IKBKB: variants seen among roughly 807,000 people sequenced by gnomAD.
The protein encoded by IKBKB is inhibitor of nuclear factor kappa-B kinase subunit beta.
IKBKB carries 42 observed loss-of-function variants against 113.6 expected under a neutral mutation model. That is an observed-to-expected ratio of 0.37 (90% CI 0.29 to 0.48). The LOEUF (loss-of-function observed/expected upper bound fraction) is 0.48. Among genes scored for constraint, IKBKB ranks in the 20% least tolerant of loss-of-function variants. The pLI, the probability that IKBKB is intolerant of heterozygous loss-of-function variation, is 0.99. For synonymous variants in IKBKB, 296 were observed against 361.3 expected (o/e 0.82, Z 2.05); for missense variants, 673 against 939.7 (o/e 0.72, Z 3.71).
At chr8:42,304,986 G>C (rs1371713805) in intron 5 of IKBKB, among the ~76,000 whole-genome samples, 2 of 152,264 alleles carry the variant, frequency 1.3e-5, no homozygotes, top group Admixed American at 6.5e-5. Context: ...GCAAGGCAAA[G>C]AGTGCTTTGC....
At chr8:42,307,366 C>CT (rs950284845) in intron 7 of IKBKB, among the ~76,000 whole-genome samples, 14 of 152,132 alleles carry the variant, frequency 9.2e-5, no homozygotes, top group Non-Finnish European at 1.9e-4. Flanking sequence ...AAGTTCTAGA[C>CT]TTTATCTTAA....
chr8:42,305,043 G>T, intron 5 of IKBKB, 144 bp from the exon 6 acceptor site: 1 of 629,330 alleles, frequency 1.6e-6, no homozygotes, highest in Non-Finnish European at 2.8e-6. Context: ...ACGTAGCAGG[G>T]CCCCTGCCCT....
chr8:42,279,315 T>C (rs906279178), intron 2 of IKBKB, among the ~76,000 whole-genome samples: 4 of 152,252 alleles, frequency 2.6e-5, no homozygotes, highest in East Asian at 1.9e-4. Flanking sequence ...GCTATGGTGG[T>C]GTTGGTTCCT....
intron 5 of IKBKB, among the ~76,000 whole-genome samples, chr8:42,302,970 C>T (rs369739268): frequency 4.6e-5 from 7 of 151,932 alleles, no homozygotes; most frequent in East Asian, 3.9e-4. Flanking sequence ...AAGGCTTTTC[C>T]GTTACCCTGC....
intron 15 of IKBKB, 153 bp downstream of exon 15, chr8:42,319,799 G>A (rs1819425844): frequency 4.6e-6 from 3 of 654,966 alleles, no homozygotes; most frequent in Non-Finnish European, 7.7e-6. Flanking sequence ...CTGAAAAGAG[G>A]CCAAGAGAGT....
At chr8:42,280,764 A>T (rs550117319) in intron 2 of IKBKB, among the ~76,000 whole-genome samples, 32 of 152,192 alleles carry the variant, frequency 2.1e-4, no homozygotes, top group African/African-American at 7.2e-4. Flanking sequence ...GGGGTGGAGG[A>T]GGCAGTGTGT....
In IKBKB at chr8:42,271,486, G is replaced by T; in HGVS notation, c.-19+17G>T. On this transcript the variant is annotated intron_variant, in intron 1 of 21. Transcript: ENST00000520810. ...TGCCGACAGGTGAGTCCCCCTCGTGGGTGCGGCCCGGGTGCCACCTGCAGG... is the reference window on the plus strand; with the variant it reads ...TGCCGACAGGTGAGTCCCCCTCGTGTGTGCGGCCCGGGTGCCACCTGCAGG... The T allele has an allele frequency of 1.9e-6, 2 of 1,039,830 alleles. No individual in the cohort carries two copies. The highest frequency in any genetic ancestry group is 2.8e-5 in the East Asian group (1 of 35,118). 64.4% of individuals were successfully genotyped at this position (1,039,830 alleles called of 1,614,324 possible). A position where few individuals can be genotyped will look rare whatever the true frequency, so the allele number is the denominator to read the frequency against.
chr8:42,298,216 C>A, intron 5 of IKBKB: 1 of 985,456 alleles, frequency 1.0e-6, no homozygotes, highest in South Asian at 4.7e-5. Flanking sequence ...CTCTCTCCTG[C>A]CTGATGGGGT....
intron 8 of IKBKB, chr8:42,309,885 T>C (rs1167368352): frequency 1.3e-5 from 2 of 152,400 alleles, no homozygotes; most frequent in African/African-American, 4.8e-5. Context: ...CTGTATTCTT[T>C]AGCTTTTGTT....
chr8:42,293,695 T>C (rs900455566), intron 5 of IKBKB, 183 bp downstream of exon 5: 9 of 868,946 alleles, frequency 1.0e-5, no homozygotes, highest in Non-Finnish European at 1.6e-5. Flanking sequence ...GCCAGACAGA[T>C]GCTGAACTCA....
At chr8:42,319,678 C>A in intron 15 of IKBKB, 32 bp downstream of exon 15, 3 of 1,539,260 alleles carry the variant, frequency 1.9e-6, no homozygotes, top group Non-Finnish European at 2.6e-6. Flanking sequence ...TCGGAACTTA[C>A]CAAGGGGGTG....
chr8:42,282,715 G>A (rs903146159), intron 2 of IKBKB, among the ~76,000 whole-genome samples: 2 of 152,202 alleles, frequency 1.3e-5, no homozygotes, highest in African/African-American at 4.8e-5. Context: ...TTCAGAACCG[G>A]TGATCGTAGC....
chr8:42,311,846 A>T (rs1817769757), intron 8 of IKBKB, among the ~76,000 whole-genome samples: 1 of 152,208 alleles, frequency 6.6e-6, no homozygotes, highest in African/African-American at 2.4e-5. Context: ...CATTATAAAA[A>T]TAGCTTTAAA....
intron 4 of IKBKB, among the ~76,000 whole-genome samples, chr8:42,292,981 G>T (rs182797726): frequency 6.6e-6 from 1 of 152,176 alleles, no homozygotes; most frequent in Non-Finnish European, 1.5e-5. Flanking sequence ...CCCCTGGCAC[G>T]TAGTAAGTGC....
At chr8:42,273,431 T>C (rs939794771) in intron 2 of IKBKB, among the ~76,000 whole-genome samples, 5 of 150,658 alleles carry the variant, frequency 3.3e-5, no homozygotes, top group African/African-American at 1.2e-4. Flanking sequence ...TATATATATA[T>C]ATATATATTT....
chr8:42,325,991 A>AG lies in IKBKB; in HGVS notation c.2009dup (p.Ser670ArgfsTer6). On this transcript the variant is annotated frameshift_variant, in exon 20 of 22. Coordinates refer to ENST00000520810, the MANE Select transcript of IKBKB (RefSeq NM_001556.3). LOFTEE classifies it high-confidence loss of function. Reference sequence around the variant, plus strand: ...CTAGAGCAAGGTCCGTGGTCCTGTCAGTGGAAGCCCGGATAGCATGAATGC... The same window carrying AG: ...CTAGAGCAAGGTCCGTGGTCCTGTCAGGTGGAAGCCCGGATAGCATGAATGC... 1 of 1,614,210 alleles carries AG rather than the reference A, an allele frequency of 6.2e-7. No individual in the cohort carries two copies. The highest frequency in any genetic ancestry group is 8.5e-7 in the Non-Finnish European group (1 of 1,180,024).
At chr8:42,310,759 C>T (rs796871322) in intron 8 of IKBKB, among the ~76,000 whole-genome samples, 9 of 152,290 alleles carry the variant, frequency 5.9e-5, no homozygotes, top group African/African-American at 2.2e-4. Context: ...TCTCCAGGCT[C>T]TTCAGCGTTA....
At chr8:42,276,331 G>A (rs1255696602) in intron 2 of IKBKB, among the ~76,000 whole-genome samples, 1 of 152,124 alleles carries the variant, frequency 6.6e-6, no homozygotes, top group Admixed American at 6.6e-5. Context: ...ATTTGCATTT[G>A]TCTGATGATT....
intron 5 of IKBKB, among the ~76,000 whole-genome samples, chr8:42,295,678 A>T: frequency 6.6e-6 from 1 of 152,082 alleles, no homozygotes; most frequent in South Asian, 2.1e-4. Flanking sequence ...GTAAGCCGAG[A>T]TTGCACCATT....
Sources: allele counts gnomAD v4.1 joint callset (sites outside exome capture counted in the v4.1 genomes callset), GRCh38; gene constraint gnomAD v4.1.1; transcripts MANE v1.5; gene names NCBI Gene and HGNC (gene_info 2026-07-23, HGNC 2026-07-21).